The following ELOVL4 variants were observed in gnomAD, a reference collection of about 807,000 sequenced individuals.
ELOVL4 encodes very long chain fatty acid elongase 4.
ELOVL4 carries 18 observed loss-of-function variants against 42.1 expected under a neutral mutation model. The ratio of observed to expected loss-of-function variants is 0.43; its 90% CI spans 0.30 to 0.63. The LOEUF (loss-of-function observed/expected upper bound fraction) is 0.63. ELOVL4 is among the 30% of genes least tolerant of loss of function. The pLI is 0.15. For synonymous variants in ELOVL4, 117 were observed against 127.0 expected, an observed-to-expected ratio of 0.92 and a Z score of 0.53; for missense variants, 299 against 376.2, an observed-to-expected ratio of 0.79 and a Z score of 1.70.
intron 4 of ELOVL4, among the ~76,000 whole-genome samples, chr6:79,920,738 A>T (rs2127698291): frequency 6.6e-6 from 1 of 152,356 alleles, no homozygotes; most frequent in African/African-American, 2.4e-5. Context: ...TTTGGCATCA[A>T]CATTATGCTG....
chr6:79,919,768 A>T, intron 4 of ELOVL4, among the ~76,000 whole-genome samples: 1 of 152,204 alleles, frequency 6.6e-6, no homozygotes, highest in Admixed American at 6.5e-5. Flanking sequence ...ATAAATAAAA[A>T]TGTATGTTCA....
intron 1 of ELOVL4, among the ~76,000 whole-genome samples, chr6:79,933,560 G>A (rs1258067911): frequency 6.6e-6 from 1 of 152,130 alleles, no homozygotes; most frequent in East Asian, 1.9e-4. Flanking sequence ...TCATGGTAGA[G>A]GCAGTGGGGT....
intron 1 of ELOVL4, among the ~76,000 whole-genome samples, chr6:79,937,428 ATG>A (rs1196107265): frequency 6.6e-6 from 1 of 152,208 alleles, no homozygotes; most frequent in African/African-American, 2.4e-5. Context: ...GAGAGAATCA[ATG>A]TGTGATTCGA....
intron 1 of ELOVL4, among the ~76,000 whole-genome samples, chr6:79,943,682 G>C (rs1296003455): frequency 3.9e-5 from 6 of 152,054 alleles, no homozygotes; most frequent in Admixed American, 2.6e-4. Flanking sequence ...AGATGCATGA[G>C]GGCAGTGACC....
intron 1 of ELOVL4, among the ~76,000 whole-genome samples, chr6:79,944,231 A>G (rs1301974834): frequency 1.3e-5 from 2 of 152,248 alleles, no homozygotes; most frequent in African/African-American, 4.8e-5. Context: ...AAAAATGTAT[A>G]TACAACTTTT....
At chr6:79,933,556 T>C (rs948317275) in intron 1 of ELOVL4, among the ~76,000 whole-genome samples, 1 of 151,992 alleles carries the variant, frequency 6.6e-6, no homozygotes, top group Non-Finnish European at 1.5e-5. Context: ...AAGATCATGG[T>C]AGAGGCAGTG....
chr6:79,927,387 G>A (rs2127699607), intron 1 of ELOVL4, among the ~76,000 whole-genome samples: 1 of 152,170 alleles, frequency 6.6e-6, no homozygotes, highest in Admixed American at 6.5e-5. Context: ...TTTTAAAGTA[G>A]TAAAAGAAAA....
In ELOVL4 at chr6:79,947,377, G is replaced by A. The variant is rs562763990; in HGVS notation, c.-98C>T. The A allele has an allele frequency of 8.7e-4, 808 of 930,040 alleles. 5 individuals are homozygous for A. In the African/African-American group the frequency reaches 0.01, roughly 12 times the overall value. 57.6% of individuals were successfully genotyped at this position (930,040 alleles called of 1,614,324 possible). A position where few individuals can be genotyped will look rare whatever the true frequency, so the allele number is the denominator to read the frequency against. ...GCGGCCGACGGGGCGAGCGGCGGCC[G>A]GGAACCCCTCTAACGGCGGCGGCCC... On this transcript the variant is annotated 5_prime_UTR_variant, in exon 1 of 6. Coordinates refer to ENST00000369816, the MANE Select transcript of ELOVL4 (RefSeq NM_022726.4).
chr6:79,919,335 TA>T, intron 5 of ELOVL4, 84 bp downstream of exon 5: 2 of 1,484,442 alleles, frequency 1.3e-6, no homozygotes, highest in Non-Finnish European at 1.9e-6. Context: ...GAAAATTGTC[TA>T]AAATGACATT....
intron 1 of ELOVL4, among the ~76,000 whole-genome samples, chr6:79,940,436 C>T (rs972720991): frequency 6.6e-6 from 1 of 152,058 alleles, no homozygotes; most frequent in African/African-American, 2.4e-5. Context: ...TTTGTTTTCT[C>T]TTCTGTAAGA....
intron 1 of ELOVL4, among the ~76,000 whole-genome samples, chr6:79,938,283 A>G (rs1774581838): frequency 6.6e-6 from 1 of 152,180 alleles, no homozygotes; most frequent in African/African-American, 2.4e-5. Context: ...CATCCACCCA[A>G]TGCTGCCAAT....
chr6:79,939,689 A>G (rs754896060), intron 1 of ELOVL4, among the ~76,000 whole-genome samples: 3 of 151,798 alleles, frequency 2.0e-5, no homozygotes, highest in Middle Eastern at 3.2e-3. Context: ...AGGCCTGGCT[A>G]ATTTTTAATA....
intron 1 of ELOVL4, among the ~76,000 whole-genome samples, chr6:79,935,629 A>G (rs1332154533): frequency 6.6e-6 from 1 of 152,214 alleles, no homozygotes; most frequent in Non-Finnish European, 1.5e-5. Context: ...TGATAATAAG[A>G]TTAACCAAAT....
intron 1 of ELOVL4, among the ~76,000 whole-genome samples, chr6:79,937,165 C>G (rs563237778): frequency 2.6e-5 from 4 of 152,102 alleles, no homozygotes; most frequent in African/African-American, 9.6e-5. Flanking sequence ...GAGCAGGTGC[C>G]CTGAGAGTCA....
Position 79,916,820 on chromosome 6 carries a change from T to A in ELOVL4, c.733A>T (p.Lys245Ter). The change falls in exon 6 of 6, where the codon AAA becomes TAA. Residue 245 changes from lysine to a stop codon, truncating the protein, a stop_gained. Transcript: ENST00000369816. LOFTEE classifies it high-confidence loss of function. ...GCAATTAGAGCCCAGTGCATCCATTTGGGGAAGGGGCAGTCAGTGTAAAGA... is the reference window on the plus strand; with the variant it reads ...GCAATTAGAGCCCAGTGCATCCATTAGGGGAAGGGGCAGTCAGTGTAAAGA... ...LSLYTDCPFP[K>*]WMHWALIAYA... is the part of the protein sequence containing the mutation. 6.2e-7 allele frequency: 1 copy of A among 1,614,180 alleles called. No homozygotes were observed.
chr6:79,926,677 G>T (rs1774348084), intron 1 of ELOVL4, among the ~76,000 whole-genome samples: 1 of 152,072 alleles, frequency 6.6e-6, no homozygotes, highest in Non-Finnish European at 1.5e-5. Context: ...GGTTATCTTG[G>T]GATGAAAAGT....
chr6:79,937,545 G>T (rs1774565355), intron 1 of ELOVL4, among the ~76,000 whole-genome samples: 1 of 152,090 alleles, frequency 6.6e-6, no homozygotes, highest in Admixed American at 6.6e-5. Context: ...GATAATAACG[G>T]TACCGAGCCC....
In ELOVL4 at chr6:79,921,603, G is replaced by A. The variant is rs769960749; in HGVS notation, c.541+22C>T. ...ACATATATGCAATTAAACGCAAGCA[G>A]TATATTCCTGAAAATGCTCACCTTG... On this transcript the variant is annotated intron_variant, in intron 4 of 5. Transcript: ENST00000369816. 7 of 1,609,356 alleles carry A rather than the reference G, an allele frequency of 4.3e-6. No homozygotes were observed. The South Asian group carries it at 7.7e-5, about 18-fold the overall frequency.
chr6:79,926,251 T>C lies in ELOVL4; in HGVS notation c.231A>G (p.Leu77=), dbSNP rs529654788. ...MKDREPFQMR[L]VLIIYNFGMV... ...TCCCAAAATTATAGATAATGAGCAC[T>C]AGACGCATCTGAAAAGGTTCTCGGT... Residue 77 remains leucine, a synonymous_variant, in exon 2 of 6, where the codon CTA becomes CTG. Coordinates refer to ENST00000369816, the MANE Select transcript of ELOVL4 (RefSeq NM_022726.4). 27 of 1,614,006 alleles carry C rather than the reference T, an allele frequency of 1.7e-5. No homozygotes were observed. The South Asian group carries it at 2.4e-4, about 14-fold the overall frequency.
Sources: gnomAD v4.1 joint callset for allele counts (sites outside exome capture counted in the v4.1 genomes callset) on GRCh38, gnomAD v4.1.1 for gene constraint, MANE v1.5 for transcripts, NCBI Gene and HGNC (gene_info 2026-07-23, HGNC 2026-07-21) for gene names.